The following TGFA variants were observed in gnomAD, a reference collection of about 807,000 sequenced individuals.
TGFA encodes the protein transforming growth factor alpha.
Under a neutral mutation model 21.7 loss-of-function variants are expected in TGFA, and 12 were observed. The observed-to-expected ratio is 0.55, with a 90% confidence interval of 0.35 to 0.90. The LOEUF (loss-of-function observed/expected upper bound fraction) is 0.90. Among genes scored for constraint, TGFA ranks in the 40% least tolerant of loss-of-function variants. TGFA has a pLI of 0.01. For missense variants in TGFA, 178 were observed against 210.8 expected (o/e 0.84, Z 0.96); for synonymous variants, 79 against 88.1 (o/e 0.90, Z 0.58).
Position 70,450,715 on chromosome 2 carries a change from GC to G in TGFA, c.*143del. The G allele has an allele frequency of 1.2e-6, 1 of 841,488 alleles. No individual in the cohort carries two copies. The highest frequency in any genetic ancestry group is 1.9e-6 in the Non-Finnish European group (1 of 520,746). The allele number at this position is 841,488 out of a possible 1,614,324, so 52.1% of individuals were successfully genotyped here. The stretch of plus-strand genomic sequence containing the variant: ...CGGAGTTCTTGACAGAGTTTTGAAG[GC>G]CCACAAAAGGCTGCACAGGTGATTA... On this transcript the variant is annotated 3_prime_UTR_variant, in exon 6 of 6. Transcript: ENST00000295400.
intron 2 of TGFA, among the ~76,000 whole-genome samples, chr2:70,503,266 C>A (rs1169979): frequency 1.3e-5 from 2 of 152,218 alleles, no homozygotes; most frequent in East Asian, 3.9e-4. Context: ...GAGTTCATGT[C>A]CTTTGTAGGG....
chr2:70,478,903 A>C (rs534706249), intron 2 of TGFA, among the ~76,000 whole-genome samples: 1 of 152,264 alleles, frequency 6.6e-6, no homozygotes, highest in African/African-American at 2.4e-5. Flanking sequence ...CATTTTAAAA[A>C]AATTTAGTTT....
intron 1 of TGFA, among the ~76,000 whole-genome samples, chr2:70,519,100 C>T (rs1205254843): frequency 1.3e-5 from 2 of 152,020 alleles, no homozygotes; most frequent in Admixed American, 6.6e-5. Context: ...ACGCTCAGGG[C>T]GGGAGGATAG....
At chr2:70,549,294 C>T (rs1446317883) in intron 1 of TGFA, among the ~76,000 whole-genome samples, 9 of 152,158 alleles carry the variant, frequency 5.9e-5, no homozygotes, top group South Asian at 2.1e-4. Flanking sequence ...TGTAAATTCA[C>T]GGTGGCATTT....
chr2:70,553,024 C>T (rs957583315), intron 1 of TGFA, among the ~76,000 whole-genome samples: 1 of 152,256 alleles, frequency 6.6e-6, no homozygotes, highest in East Asian at 1.9e-4. Flanking sequence ...AACTTCCCCT[C>T]ACCTTTCCCA....
rs548378518 is a variant in TGFA, at chr2:70,470,408, G to A, written c.95-4672C>T. Among the ~76,000 whole-genome samples the A allele has an allele frequency of 3.9e-5, 6 of 152,332 alleles. No homozygotes were observed. The South Asian group carries it at 8.3e-4, about 21-fold the overall frequency. On this transcript the variant is annotated intron_variant, in intron 2 of 5. Coordinates refer to ENST00000295400, the MANE Select transcript of TGFA (RefSeq NM_003236.4). ...AGGATGTATAAGGTTCATTAGATAG[G>A]AATATATATACTTGTTCTGCACAAG...
chr2:70,463,470 C>T (rs1432356457), intron 3 of TGFA, among the ~76,000 whole-genome samples: 3 of 152,240 alleles, frequency 2.0e-5, no homozygotes, highest in African/African-American at 7.2e-5. Context: ...AGGCTTCTAA[C>T]AGCTGAAGAG....
intron 2 of TGFA, among the ~76,000 whole-genome samples, chr2:70,487,962 C>A (rs1671315723): frequency 6.6e-6 from 1 of 152,170 alleles, no homozygotes; most frequent in African/African-American, 2.4e-5. Context: ...TTCTTCATAA[C>A]CGTTCCAATG....
At chr2:70,533,667 C>G (rs532698953) in intron 1 of TGFA, among the ~76,000 whole-genome samples, 2 of 152,284 alleles carry the variant, frequency 1.3e-5, no homozygotes, top group East Asian at 3.9e-4. Context: ...TAACTGTTAA[C>G]TGTTAACAAA....
At chr2:70,480,626 C>A (rs1671086424) in intron 2 of TGFA, among the ~76,000 whole-genome samples, 1 of 152,060 alleles carries the variant, frequency 6.6e-6, no homozygotes, top group South Asian at 2.1e-4. Context: ...CAGTGCCTCG[C>A]CACCCCCACC....
intron 1 of TGFA, among the ~76,000 whole-genome samples, chr2:70,538,456 A>C (rs561326227): frequency 6.6e-6 from 1 of 152,358 alleles, no homozygotes; most frequent in African/African-American, 2.4e-5. Context: ...TCTAGATGAC[A>C]TTAAGAACAT....
Position 70,450,815 on chromosome 2 carries a change from T to G in TGFA, c.*44A>C. ...CTGTCCTGAAGAAGCCTTTCTTTAT[T>G]GATCTGCCACAGTCCACCTGGCCAA... On this transcript the variant is annotated 3_prime_UTR_variant, in exon 6 of 6. Transcript: ENST00000295400. 1 of 1,604,374 alleles carries G rather than the reference T, an allele frequency of 6.2e-7. No homozygotes were observed.
Position 70,450,414 on chromosome 2 carries a change from C to A in TGFA, c.*445G>T, listed in dbSNP as rs1333283392. 6.3e-6 allele frequency: 1 copy of A among 158,092 alleles called. No homozygotes were observed. The highest frequency in any genetic ancestry group is 1.4e-5 in the Non-Finnish European group (1 of 71,576). 9.8% of individuals were successfully genotyped at this position (158,092 alleles called of 1,614,324 possible). The stretch of plus-strand genomic sequence containing the variant: ...ACAGTTTCCCCTCCTTCACTTTCTT[C>A]CCCAGTAGGCAAATGACAGAAAACA... On this transcript the variant is annotated 3_prime_UTR_variant, in exon 6 of 6. Coordinates refer to ENST00000295400, the MANE Select transcript of TGFA (RefSeq NM_003236.4).
chr2:70,477,913 T>C (rs1453478395), intron 2 of TGFA, among the ~76,000 whole-genome samples: 1 of 152,206 alleles, frequency 6.6e-6, no homozygotes, highest in Non-Finnish European at 1.5e-5. Flanking sequence ...AGTCTGGCAT[T>C]AGGGGTTGGT....
At chr2:70,462,086 C>G (rs953555257) in intron 3 of TGFA, among the ~76,000 whole-genome samples, 1 of 152,092 alleles carries the variant, frequency 6.6e-6, no homozygotes, top group African/African-American at 2.4e-5. Context: ...CTTGATGAGG[C>G]CATGATAGAT....
In TGFA at chr2:70,553,716, C is replaced by T. The variant is rs782712031; in HGVS notation, c.40+12G>A. On this transcript the variant is annotated intron_variant, in intron 1 of 5. Transcript: ENST00000295400. ...CGCGCGGCGCAGGGGGCGCCGCAGC[C>T]GGCGTACGTACCCAGAGCGAACAGG... 27 of 1,329,800 alleles carry T rather than the reference C, an allele frequency of 2.0e-5. No individual in the cohort carries two copies. The East Asian group carries it at 7.5e-4, about 37-fold the overall frequency. The allele number at this position is 1,329,800 out of a possible 1,614,324, so 82.4% of individuals were successfully genotyped here. A position where few individuals can be genotyped will look rare whatever the true frequency, so the allele number is the denominator to read the frequency against.
chr2:70,530,530 G>A (rs1672783168), intron 1 of TGFA, among the ~76,000 whole-genome samples: 1 of 152,244 alleles, frequency 6.6e-6, no homozygotes. Flanking sequence ...AATGTTTTAA[G>A]AAAGTTTATG....
intron 1 of TGFA, among the ~76,000 whole-genome samples, chr2:70,520,283 C>A (rs191550947): frequency 5.2e-4 from 79 of 152,232 alleles, no homozygotes; most frequent in African/African-American, 1.9e-3. Flanking sequence ...ATGGACTGAT[C>A]TTGAAATAGC....
chr2:70,543,540 GA>G lies in TGFA; in HGVS notation c.40+10187del, dbSNP rs1169766303. On this transcript the variant is annotated intron_variant, in intron 1 of 5. Coordinates refer to ENST00000295400, the MANE Select transcript of TGFA (RefSeq NM_003236.4). ...GACTCTGTCTCAAAAAAAAAAAAAAGAAAAAAAAAGACTACATTAACTGGGG... is the reference window on the plus strand; with the variant it reads ...GACTCTGTCTCAAAAAAAAAAAAAAGAAAAAAAAGACTACATTAACTGGGG... 3.9e-4 allele frequency among the ~76,000 whole-genome samples: 53 copies of G among 136,654 alleles called. No individual in the cohort carries two copies. The East Asian group carries it at 0.011, about 29-fold the overall frequency. The allele number at this position is 136,654 out of a possible 152,430, so 89.7% of individuals were successfully genotyped here. A position where few individuals can be genotyped will look rare whatever the true frequency, so the allele number is the denominator to read the frequency against.
Sources: gnomAD v4.1 joint callset for allele counts (sites outside exome capture counted in the v4.1 genomes callset) on GRCh38, gnomAD v4.1.1 for gene constraint, MANE v1.5 for transcripts, NCBI Gene and HGNC (gene_info 2026-07-23, HGNC 2026-07-21) for gene names.